CHRM3: variants seen among roughly 807,000 people sequenced by gnomAD.
CHRM3 encodes cholinergic receptor muscarinic 3, also known as muscarinic acetylcholine receptor M3.
Under a neutral mutation model 41.8 loss-of-function variants are expected in CHRM3, and 11 were observed. The ratio of observed to expected loss-of-function variants is 0.26; its 90% CI spans 0.17 to 0.44. The LOEUF is 0.44. Among genes scored for constraint, CHRM3 ranks in the 20% least tolerant of loss-of-function variants. The pLI, the probability that CHRM3 is intolerant of heterozygous loss-of-function variation, is 1.00. For missense variants in CHRM3, 571 were observed against 745.4 expected (o/e 0.77, Z 2.72); for synonymous variants, 297 against 301.4 (o/e 0.99, Z 0.15).
Position 239,776,023 on chromosome 1 carries a change from T to G in CHRM3, c.-146-51229T>G, listed in dbSNP as rs563815128. Among the ~76,000 whole-genome samples, 15 of 152,334 alleles carry G rather than the reference T, an allele frequency of 9.8e-5. No homozygotes were observed. In the South Asian group the frequency reaches 2.3e-3, roughly 23 times the overall value. On this transcript the variant is annotated intron_variant, in intron 5 of 6. Coordinates refer to ENST00000676153, the MANE Select transcript of CHRM3 (RefSeq NM_001375978.1). ...TTACATATTTTAGAATAAAATAAAT[T>G]TGATGGCTTTTATGCATCTCAGCTT... is the stretch of plus-strand genomic sequence containing the variant.
chr1:239,786,294 T>G (rs1265346772), intron 5 of CHRM3, among the ~76,000 whole-genome samples: 1 of 152,180 alleles, frequency 6.6e-6, no homozygotes, highest in Non-Finnish European at 1.5e-5. Flanking sequence ...CATGCTAGAT[T>G]ACTGTGAGGC....
chr1:239,608,314 C>G (rs1666590871), intron 3 of CHRM3, among the ~76,000 whole-genome samples: 1 of 152,186 alleles, frequency 6.6e-6, no homozygotes, highest in Non-Finnish European at 1.5e-5. Flanking sequence ...GAGTCCTTGT[C>G]TGTTTATCAC....
chr1:239,688,780 A>G (rs1659426035), intron 5 of CHRM3, among the ~76,000 whole-genome samples: 1 of 138,882 alleles, frequency 7.2e-6, no homozygotes, highest in African/African-American at 2.6e-5. Context: ...TACACTATTC[A>G]ATATAATATA....
intron 5 of CHRM3, among the ~76,000 whole-genome samples, chr1:239,699,135 T>C (rs1056623394): frequency 6.6e-6 from 1 of 152,054 alleles, no homozygotes; most frequent in African/African-American, 2.4e-5. Flanking sequence ...ATTGCATGTG[T>C]TGTTTCTGTA....
At chr1:239,664,898 C>G (rs535929862) in intron 4 of CHRM3, among the ~76,000 whole-genome samples, 10 of 152,150 alleles carry the variant, frequency 6.6e-5, no homozygotes, top group African/African-American at 2.2e-4. Context: ...GCCAAATCTC[C>G]CTCTCCCTTC....
chr1:239,658,670 T>C (rs1056095404), intron 4 of CHRM3, among the ~76,000 whole-genome samples: 1 of 152,142 alleles, frequency 6.6e-6, no homozygotes, highest in Admixed American at 6.5e-5. Flanking sequence ...ACCTAAAAGC[T>C]GAAGAGTCAT....
At chr1:239,450,151 T>C (rs61834709) in intron 1 of CHRM3, among the ~76,000 whole-genome samples, 6,320 of 152,252 alleles carry the variant, frequency 0.042, 203 homozygotes, top group African/African-American at 0.089. Flanking sequence ...AAACATTCCT[T>C]CTGAAGTTTT....
intron 1 of CHRM3, among the ~76,000 whole-genome samples, chr1:239,388,659 A>C (rs1658750097): frequency 1.3e-5 from 2 of 152,186 alleles, no homozygotes. Context: ...TTAATAAAAA[A>C]CTAAGGTATT....
chr1:239,618,678 AC>A (rs1667965378), intron 3 of CHRM3, among the ~76,000 whole-genome samples: 2 of 150,874 alleles, frequency 1.3e-5, no homozygotes, highest in South Asian at 4.2e-4. Context: ...CCCCGTCTCT[AC>A]TAAAAATACA....
At chr1:239,759,087 A>G (rs1365702956) in intron 5 of CHRM3, among the ~76,000 whole-genome samples, 1 of 151,742 alleles carries the variant, frequency 6.6e-6, no homozygotes, top group East Asian at 1.9e-4. Context: ...AAATGGCTCC[A>G]TACCTAAAGC....
At chr1:239,860,135 G>A (rs540587102) in intron 6 of CHRM3, among the ~76,000 whole-genome samples, 1 of 152,176 alleles carries the variant, frequency 6.6e-6, no homozygotes, top group African/African-American at 2.4e-5. Flanking sequence ...ATTTCTCAGG[G>A]AGTTGGAGCT....
At chr1:239,517,153 T>C (rs1450337920) in intron 2 of CHRM3, among the ~76,000 whole-genome samples, 1 of 152,200 alleles carries the variant, frequency 6.6e-6, no homozygotes, top group African/African-American at 2.4e-5. Context: ...TTGTCTTCCA[T>C]GAAATCGATC....
At chr1:239,469,417 GT>G (rs1485094648) in intron 1 of CHRM3, among the ~76,000 whole-genome samples, 1 of 152,180 alleles carries the variant, frequency 6.6e-6, no homozygotes, top group Non-Finnish European at 1.5e-5. Context: ...CACGTAGAAG[GT>G]TTTTTAACAA....
chr1:239,860,610 T>C (rs1675557082), intron 6 of CHRM3, among the ~76,000 whole-genome samples: 1 of 152,208 alleles, frequency 6.6e-6, no homozygotes, highest in Admixed American at 6.5e-5. Context: ...ACACACCTTA[T>C]ACACATAGCC....
chr1:239,566,388 T>A (rs191917954), intron 3 of CHRM3, among the ~76,000 whole-genome samples: 1 of 152,176 alleles, frequency 6.6e-6, no homozygotes, highest in Non-Finnish European at 1.5e-5. Flanking sequence ...CACTGGCAAT[T>A]TATCATGGTA....
intron 6 of CHRM3, among the ~76,000 whole-genome samples, chr1:239,892,404 A>T (rs1678629552): frequency 6.6e-6 from 1 of 152,230 alleles, no homozygotes; most frequent in African/African-American, 2.4e-5. Flanking sequence ...AGTTTAAAGA[A>T]TTTAATTTAC....
intron 3 of CHRM3, among the ~76,000 whole-genome samples, chr1:239,587,498 A>G (rs1355489610): frequency 6.6e-6 from 1 of 152,212 alleles, no homozygotes; most frequent in Non-Finnish European, 1.5e-5. Context: ...TTCTTCATTT[A>G]TAAGCTGAGG....
chr1:239,717,045 G>GTT lies in CHRM3; in HGVS notation c.-147+38767_-147+38768dup, dbSNP rs35801899. ...AAACAAATGTTCTCAATCACTTCCA[G>GTT]TTTTTTTTTTTGCATGAATAAAGTT... On this transcript the variant is annotated intron_variant, in intron 5 of 6. Coordinates refer to ENST00000676153, the MANE Select transcript of CHRM3 (RefSeq NM_001375978.1). 3.2e-3 allele frequency among the ~76,000 whole-genome samples: 476 copies of GTT among 148,140 alleles called. 7 individuals are homozygous for GTT. The highest frequency in any genetic ancestry group is 0.021 in the South Asian group (100 of 4,714).
At chr1:239,669,314 C>G (rs1024033968) in intron 4 of CHRM3, among the ~76,000 whole-genome samples, 2 of 152,116 alleles carry the variant, frequency 1.3e-5, no homozygotes, top group African/African-American at 4.8e-5. Context: ...CTTCTTTGTT[C>G]TGTTTCAGAC....
Sources: gnomAD v4.1 joint callset for allele counts (sites outside exome capture counted in the v4.1 genomes callset) on GRCh38, gnomAD v4.1.1 for gene constraint, MANE v1.5 for transcripts, NCBI Gene and HGNC (gene_info 2026-07-23, HGNC 2026-07-21) for gene names.